Variants in ADGRB3 observed in about 807,000 individuals in gnomAD.
ADGRB3 encodes the protein adhesion G protein-coupled receptor B3.
In ADGRB3, 37 loss-of-function variants were observed where a neutral mutation model predicts 193.4. The ratio of observed to expected loss-of-function variants is 0.19; its 90% CI spans 0.15 to 0.25. The LOEUF is 0.25. Ranked by LOEUF, ADGRB3 falls within the 10% of genes least tolerant of loss-of-function variation. ADGRB3 has a pLI of 1.00. For missense variants in ADGRB3, 1,637 were observed against 1,852.9 expected, an observed-to-expected ratio of 0.88 and a Z score of 2.14; for synonymous variants, 690 against 644.2, an observed-to-expected ratio of 1.07 and a Z score of -1.08.
At chr6:69,212,261 T>C (rs1012462325) in intron 17 of ADGRB3, among the ~76,000 whole-genome samples, 14 of 152,188 alleles carry the variant, frequency 9.2e-5, no homozygotes, top group African/African-American at 3.4e-4. Context: ...TTAGCTTTCC[T>C]GAATTTGTGA....
chr6:69,232,269 A>ATTTTT (rs5877202), intron 17 of ADGRB3: 1 of 399,780 alleles, frequency 2.5e-6, no homozygotes. Context: ...GCTCTATAGC[A>ATTTTT]TTTTTTTTTT....
chr6:69,133,754 A>G (rs1041979211), intron 17 of ADGRB3, among the ~76,000 whole-genome samples: 1 of 151,674 alleles, frequency 6.6e-6, no homozygotes, highest in African/African-American at 2.4e-5. Flanking sequence ...AAGTTCATTC[A>G]TAGTGATTTC....
chr6:69,298,182 G>A (rs990856807), intron 20 of ADGRB3, among the ~76,000 whole-genome samples: 11 of 151,948 alleles, frequency 7.2e-5, no homozygotes, highest in Admixed American at 3.3e-4. Flanking sequence ...ACGCAACTCT[G>A]CAGAAACAAA....
intron 4 of ADGRB3, among the ~76,000 whole-genome samples, chr6:68,933,896 A>G (rs1234719573): frequency 6.6e-6 from 1 of 152,148 alleles, no homozygotes; most frequent in Non-Finnish European, 1.5e-5. Context: ...GTTTCATGCT[A>G]GACTAAAGAG....
Position 68,660,760 on chromosome 6 carries a change from A to G in ADGRB3, c.757+21328A>G, listed in dbSNP as rs368065053. 6.0e-5 allele frequency among the ~76,000 whole-genome samples: 9 copies of G among 151,246 alleles called. No homozygotes were observed. The East Asian group carries it at 9.7e-4, about 16-fold the overall frequency. On this transcript the variant is annotated intron_variant, in intron 3 of 31. Coordinates refer to ENST00000370598, the MANE Select transcript of ADGRB3 (RefSeq NM_001704.3). ...TAATTACTCTTACACAGTAATTCCA[A>G]TTTTTAAGATCTTATCAACAAATAG...
intron 26 of ADGRB3, among the ~76,000 whole-genome samples, chr6:69,345,474 C>G (rs1266544428): frequency 6.6e-6 from 1 of 152,138 alleles, no homozygotes; most frequent in African/African-American, 2.4e-5. Flanking sequence ...TGTAATCCAT[C>G]ACATAAAAAA....
intron 3 of ADGRB3, among the ~76,000 whole-genome samples, chr6:68,656,036 C>G (rs973388669): frequency 5.3e-5 from 8 of 151,528 alleles, no homozygotes; most frequent in African/African-American, 1.9e-4. Context: ...TAATTTATGT[C>G]TTGGCCTGTA....
At chr6:69,240,254 A>G (rs1469405851) in intron 20 of ADGRB3, among the ~76,000 whole-genome samples, 1 of 152,042 alleles carries the variant, frequency 6.6e-6, no homozygotes, top group East Asian at 1.9e-4. Flanking sequence ...TGATTCTGAT[A>G]AATGTTTCTT....
intron 3 of ADGRB3, among the ~76,000 whole-genome samples, chr6:68,673,511 A>G (rs935870044): frequency 1.3e-5 from 2 of 152,082 alleles, no homozygotes; most frequent in African/African-American, 4.8e-5. Context: ...GAATTGTTTG[A>G]CTATCCTTGT....
chr6:69,155,959 T>C (rs1774827428), intron 17 of ADGRB3, among the ~76,000 whole-genome samples: 1 of 152,106 alleles, frequency 6.6e-6, no homozygotes, highest in African/African-American at 2.4e-5. Context: ...TTATGTTTCT[T>C]ATATATATTA....
At chr6:68,756,957 C>T (rs1205797148) in intron 3 of ADGRB3, among the ~76,000 whole-genome samples, 2 of 151,992 alleles carry the variant, frequency 1.3e-5, no homozygotes, top group Admixed American at 6.6e-5. Context: ...ATGTCTGTGG[C>T]ACTCCTTCAC....
At chr6:69,199,087 T>G (rs1229514847) in intron 17 of ADGRB3, among the ~76,000 whole-genome samples, 1 of 152,108 alleles carries the variant, frequency 6.6e-6, no homozygotes, top group Non-Finnish European at 1.5e-5. Context: ...GATGATGGGC[T>G]TCGGAACAGC....
chr6:68,812,625 T>C (rs1019139903), intron 3 of ADGRB3, among the ~76,000 whole-genome samples: 3 of 152,212 alleles, frequency 2.0e-5, no homozygotes, highest in Admixed American at 2.0e-4. Flanking sequence ...GGTGATTAAC[T>C]GTGAATGTTG....
At chr6:69,379,003 C>T (rs922773979) in intron 30 of ADGRB3, among the ~76,000 whole-genome samples, 1 of 151,952 alleles carries the variant, frequency 6.6e-6, no homozygotes, top group East Asian at 1.9e-4. Context: ...ATAAGCTACT[C>T]AGGAAAGCAT....
At chr6:69,350,774 A>AT (rs1050597365) in intron 26 of ADGRB3, among the ~76,000 whole-genome samples, 14 of 147,690 alleles carry the variant, frequency 9.5e-5, no homozygotes, top group East Asian at 1.9e-4. Flanking sequence ...ATTTTATTTT[A>AT]TTTTTTTTAT....
chr6:69,160,935 A>G (rs1774968150), intron 17 of ADGRB3, among the ~76,000 whole-genome samples: 1 of 152,128 alleles, frequency 6.6e-6, no homozygotes, highest in East Asian at 1.9e-4. Flanking sequence ...TCTGGGAGGC[A>G]TGTGGCCCAT....
At chr6:68,921,573 C>T (rs941314784) in intron 3 of ADGRB3, among the ~76,000 whole-genome samples, 3 of 152,096 alleles carry the variant, frequency 2.0e-5, no homozygotes, top group African/African-American at 7.2e-5. Flanking sequence ...TGTGATTCCT[C>T]ACAGCAAAAC....
intron 17 of ADGRB3, 105 bp from the exon 18 acceptor site, chr6:69,233,179 TACAGGA>T (rs1561960997): frequency 1.4e-6 from 2 of 1,405,570 alleles, no homozygotes; most frequent in South Asian, 1.4e-5. Context: ...TTTTTTCCTG[TACAGGA>T]ATTACAGTAG....
intron 16 of ADGRB3, 67 bp from the exon 17 acceptor site, chr6:69,075,928 C>T: frequency 8.4e-7 from 1 of 1,188,530 alleles, no homozygotes; most frequent in East Asian, 2.4e-5. Flanking sequence ...TTCTATTTCA[C>T]ATAATCCCTC....
Sources: allele counts gnomAD v4.1 joint callset (sites outside exome capture counted in the v4.1 genomes callset), GRCh38; gene constraint gnomAD v4.1.1; transcripts MANE v1.5; gene names NCBI Gene and HGNC (gene_info 2026-07-23, HGNC 2026-07-21).